Variants in ASCC1 observed in about 807,000 individuals in gnomAD.
The protein encoded by ASCC1 is ASC-1 complex subunit P50.
In ASCC1, 35 loss-of-function variants were observed where a neutral mutation model predicts 46.6. The ratio of observed to expected loss-of-function variants is 0.75; its 90% CI spans 0.57 to 0.99. ASCC1 has a LOEUF of 0.99. Among genes scored for constraint, ASCC1 ranks in the 50% least tolerant of loss-of-function variants. The pLI, the probability that ASCC1 is intolerant of heterozygous loss-of-function variation, is 0.00. For missense variants in ASCC1, 376 were observed against 428.7 expected, an observed-to-expected ratio of 0.88 and a Z score of 1.09; for synonymous variants, 143 against 146.6, an observed-to-expected ratio of 0.98 and a Z score of 0.18.
intron 3 of ASCC1, among the ~76,000 whole-genome samples, chr10:72,205,563 G>T (rs943062287): frequency 2.7e-5 from 4 of 150,552 alleles, no homozygotes; most frequent in Admixed American, 6.7e-5. Flanking sequence ...TCGGGAGGCA[G>T]AGGTTGCAGT....
chr10:72,123,618 T>A (rs186114625), intron 9 of ASCC1, among the ~76,000 whole-genome samples: 135 of 152,274 alleles, frequency 8.9e-4, no homozygotes, highest in Non-Finnish European at 3.5e-4. Context: ...TTAAATTTTT[T>A]AAAAAGTGAC....
chr10:72,138,320 C>T (rs1438189159), intron 7 of ASCC1, among the ~76,000 whole-genome samples: 2 of 152,142 alleles, frequency 1.3e-5, no homozygotes, highest in African/African-American at 2.4e-5. Flanking sequence ...TAAAACTGAA[C>T]ATGAAACACG....
intron 4 of ASCC1, among the ~76,000 whole-genome samples, chr10:72,201,808 C>G (rs1223418660): frequency 1.3e-5 from 2 of 151,930 alleles, no homozygotes; most frequent in African/African-American, 4.8e-5. Flanking sequence ...GGTGTGGTGG[C>G]GTGTTCCTGT....
rs539572973 is a variant in ASCC1 at position 72,127,362 on chromosome 10, T to C, written c.957+720A>G. ...GTCTGTTAGAGAAAGACAAATGTAA[T>C]CCTGAAGAACCCCTTTACTTACATT... On this transcript the variant is annotated intron_variant, in intron 9 of 9. Coordinates refer to ENST00000672957, the MANE Select transcript of ASCC1 (RefSeq NM_001198800.3). 1.7e-4 allele frequency among the ~76,000 whole-genome samples: 26 copies of C among 152,262 alleles called. No individual in the cohort carries two copies. In the East Asian group the frequency reaches 3.5e-3, roughly 20 times the overall value.
intron 7 of ASCC1, chr10:72,133,622 T>C (rs773192003): frequency 2.0e-5 from 5 of 247,514 alleles, no homozygotes; most frequent in Non-Finnish European, 3.2e-5. Context: ...AATACAGTTA[T>C]GACAGAGAGT....
At chr10:72,169,583 G>A (rs1342731789) in intron 5 of ASCC1, among the ~76,000 whole-genome samples, 1 of 152,140 alleles carries the variant, frequency 6.6e-6, no homozygotes, top group Non-Finnish European at 1.5e-5. Flanking sequence ...AATGATATTG[G>A]TCACCCACAA....
intron 7 of ASCC1, among the ~76,000 whole-genome samples, chr10:72,141,080 GATAGAT>G (rs200776340): frequency 1.4e-5 from 2 of 141,022 alleles, no homozygotes; most frequent in Admixed American, 7.4e-5. Flanking sequence ...TAGATAGATA[GATAGAT>G]ATAGATATAG....
chr10:72,152,961 T>C lies in ASCC1; in HGVS notation c.654A>G (p.Glu218=). The change falls in exon 7 of 10, where the codon GAA becomes GAG. Residue 218 remains glutamate (E), a synonymous_variant. Coordinates refer to ENST00000672957, the MANE Select transcript of ASCC1 (RefSeq NM_001198800.3). ...INDISGGKPL[E]VEMAGIEYMN... ...TGTATTCTATCCCTGCCATCTCCAC[T>C]TCTAGGGGTTTACCCCCAGAAATAT... 6.2e-7 allele frequency: 1 copy of C among 1,614,130 alleles called. No homozygotes were observed. The highest frequency in any genetic ancestry group is 1.1e-5 in the South Asian group (1 of 91,080).
intron 3 of ASCC1, among the ~76,000 whole-genome samples, chr10:72,210,137 T>C (rs1471514752): frequency 2.0e-5 from 3 of 151,112 alleles, no homozygotes; most frequent in Non-Finnish European, 4.4e-5. Flanking sequence ...TGTAGAGTCA[T>C]GAGCCAATGA....
At chr10:72,125,835 T>C (rs1844802017) in intron 9 of ASCC1, among the ~76,000 whole-genome samples, 1 of 152,220 alleles carries the variant, frequency 6.6e-6, no homozygotes, top group Non-Finnish European at 1.5e-5. Flanking sequence ...AATTGTCTAT[T>C]AACTATCTGT....
intron 4 of ASCC1, among the ~76,000 whole-genome samples, chr10:72,199,290 A>ATTT (rs755710978): frequency 1.7e-5 from 2 of 121,186 alleles, no homozygotes; most frequent in Non-Finnish European, 1.8e-5. Flanking sequence ...CACCCAGCTA[A>ATTT]TTTTTTTTTT....
At chr10:72,149,543 T>C (rs531493789) in intron 7 of ASCC1, among the ~76,000 whole-genome samples, 3 of 150,840 alleles carry the variant, frequency 2.0e-5, no homozygotes, top group South Asian at 2.1e-4. Context: ...TACTGACAGA[T>C]ACAACTCATG....
intron 9 of ASCC1, among the ~76,000 whole-genome samples, chr10:72,112,867 G>A (rs1843074672): frequency 9.3e-6 from 1 of 107,176 alleles, no homozygotes; most frequent in South Asian, 3.5e-4. Context: ...AACAGAGCTA[G>A]ACTCTGCCTC....
At chr10:72,136,199 T>A (rs1846169301) in intron 7 of ASCC1, among the ~76,000 whole-genome samples, 1 of 152,166 alleles carries the variant, frequency 6.6e-6, no homozygotes, top group Non-Finnish European at 1.5e-5. Flanking sequence ...CCAGCTGGAC[T>A]TCCTGGGTTG....
At chr10:72,140,662 C>G (rs1211273441) in intron 7 of ASCC1, among the ~76,000 whole-genome samples, 1 of 151,988 alleles carries the variant, frequency 6.6e-6, no homozygotes, top group Non-Finnish European at 1.5e-5. Context: ...GAGGAAAACT[C>G]AAGAGTTGGA....
chr10:72,170,981 TA>T (rs1377483424), intron 5 of ASCC1, among the ~76,000 whole-genome samples: 2 of 152,098 alleles, frequency 1.3e-5, no homozygotes, highest in Admixed American at 1.3e-4. Flanking sequence ...CCAATATTTT[TA>T]ATTAAAATAT....
chr10:72,097,186 C>A lies in ASCC1; in HGVS notation c.*148G>T, dbSNP rs761760573. On this transcript the variant is annotated 3_prime_UTR_variant, in exon 10 of 10. Transcript: ENST00000672957. ...GCTGGTAGTATGACGGGTGTAGACA[C>A]CATTAGAGGCAATGGTGAATCTATG... 45 of 739,066 alleles carry A rather than the reference C, an allele frequency of 6.1e-5. No homozygotes were observed. Among genetic ancestry groups the A allele is most frequent in the Non-Finnish European group, 1.1e-4 (43 of 397,404 alleles). The allele number at this position is 739,066 out of a possible 1,614,324, so 45.8% of individuals were successfully genotyped here.
chr10:72,186,238 C>T (rs1853433014), intron 5 of ASCC1, among the ~76,000 whole-genome samples: 1 of 151,806 alleles, frequency 6.6e-6, no homozygotes, highest in African/African-American at 2.4e-5. Flanking sequence ...AGCTATCCTC[C>T]CTGACTCAGC....
intron 7 of ASCC1, among the ~76,000 whole-genome samples, chr10:72,149,464 A>AAAAAT (rs1848065569): frequency 7.1e-6 from 1 of 141,194 alleles, no homozygotes; most frequent in Admixed American, 6.9e-5. Flanking sequence ...AAAAAAAAAA[A>AAAAAT]GTGTTGTTGT....
Sources: gnomAD v4.1 joint callset for allele counts (sites outside exome capture counted in the v4.1 genomes callset) on GRCh38, gnomAD v4.1.1 for gene constraint, MANE v1.5 for transcripts, NCBI Gene and HGNC (gene_info 2026-07-23, HGNC 2026-07-21) for gene names.